Variants in NKAIN4 observed in about 807,000 individuals in gnomAD.
NKAIN4 encodes the protein sodium/potassium transporting ATPase interacting 4.
In NKAIN4, 28 loss-of-function variants were observed where a neutral mutation model predicts 28.8. That is an observed-to-expected ratio of 0.97 (90% confidence interval 0.72 to 1.33). The LOEUF is 1.33. NKAIN4 is among the 40% of genes most tolerant of loss of function. The pLI is 0.00. For synonymous variants in NKAIN4, 122 were observed against 115.6 expected (o/e 1.06, Z -0.36); for missense variants, 289 against 277.2 (o/e 1.04, Z -0.30).
intron 4 of NKAIN4, chr20:63,246,678 CTCGAGA>C (rs1436262411): frequency 7.2e-5 from 71 of 985,330 alleles, no homozygotes; most frequent in Non-Finnish European, 8.2e-5. Flanking sequence ...GCCAGGGAGC[CTCGAGA>C]TCGGTCAGAA....
At chr20:63,246,048 C>T (rs189193389) in intron 4 of NKAIN4, among the ~76,000 whole-genome samples, 2 of 152,266 alleles carry the variant, frequency 1.3e-5, no homozygotes, top group African/African-American at 4.8e-5. Context: ...CTGCTTCAGC[C>T]TCCCGAGGAG....
chr20:63,248,706 T>C (rs1361033830), intron 3 of NKAIN4, 109 bp downstream of exon 3: 3 of 730,720 alleles, frequency 4.1e-6, no homozygotes, highest in Non-Finnish European at 7.3e-6. Context: ...ATGCACAGAC[T>C]GAGCCCCTGC....
intron 4 of NKAIN4, chr20:63,244,338 T>C: frequency 1.8e-6 from 1 of 564,610 alleles, no homozygotes; most frequent in Non-Finnish European, 3.3e-6. Flanking sequence ...GTGAGGATAA[T>C]GGATATTGGG....
rs1469518789 is a variant in NKAIN4 at position 63,245,690 on chromosome 20, A to T, written c.472-1606T>A. Among the ~76,000 whole-genome samples, 1 of 152,052 alleles carries T rather than the reference A, an allele frequency of 6.6e-6. No homozygotes were observed. Among genetic ancestry groups the T allele is most frequent in the Non-Finnish European group, 1.5e-5 (1 of 68,006 alleles). ...AGCACAGCTGGGCAGAGGCCAACCA[A>T]GCCGCCAGCCTCTCCCAGACCCTCC... On this transcript the variant is annotated intron_variant, in intron 4 of 6. Coordinates refer to ENST00000370316, the MANE Select transcript of NKAIN4 (RefSeq NM_152864.4). The surrounding 1 kb of genome is among the most constrained non-coding windows in gnomAD (Gnocchi z 4.7).
At position 63,242,594 on chromosome 20, in the gene NKAIN4, G is replaced by T; in HGVS notation, c.562C>A (p.Pro188Thr). Residue 188 changes from proline (P) to threonine (T), a missense_variant, in exon 6 of 7, where the codon CCT (proline) becomes ACT (threonine). By Grantham distance (38) the Pro-to-Thr change is conservative (BLOSUM62 -1). Coordinates refer to ENST00000370316, the MANE Select transcript of NKAIN4 (RefSeq NM_152864.4). ...FDFIGGFDPF[P>T]LYHVNEKPSS... Reference sequence around the variant, plus strand: ...GGCTTTTCATTGACATGGTAGAGAGGAAATGGATCAAATCCACCAATGAAA... The same window carrying T: ...GGCTTTTCATTGACATGGTAGAGAGTAAATGGATCAAATCCACCAATGAAA... The T allele has an allele frequency of 6.2e-7, 1 of 1,613,260 alleles. No homozygotes were observed.
chr20:63,254,628 C>T (rs1232118511), upstream of NKAIN4: 4 of 442,206 alleles, frequency 9.0e-6, no homozygotes, highest in Non-Finnish European at 1.5e-5. Context: ...CGTCTCCCCT[C>T]CCACCCCCGC....
rs896199905 is a variant in NKAIN4 at position 63,252,635 on chromosome 20, C to T, written c.54+1762G>A. Among the ~76,000 whole-genome samples, 2 of 152,144 alleles carry T rather than the reference C, an allele frequency of 1.3e-5. No homozygotes were observed. The highest frequency in any genetic ancestry group is 6.5e-5 in the Admixed American group (1 of 15,282). On this transcript the variant is annotated intron_variant, in intron 1 of 6. Coordinates refer to ENST00000370316, the MANE Select transcript of NKAIN4 (RefSeq NM_152864.4). The surrounding 1 kb of genome is among the most constrained non-coding windows in gnomAD (Gnocchi z 4.6). Reference sequence around the variant, plus strand: ...AAAGGCCTTTGACAGCTCCCTGCTGCGGTTCAGCAGTGACCCAGAGGCTGG... The same window carrying T: ...AAAGGCCTTTGACAGCTCCCTGCTGTGGTTCAGCAGTGACCCAGAGGCTGG...
chr20:63,245,990 T>G lies in NKAIN4; in HGVS notation c.471+1588A>C, dbSNP rs150221074. ...TCACCCAGGCTGGAGTGCAGTGGCG[T>G]GATCTCTGCTCACTGCAAGCTCTGC... On this transcript the variant is annotated intron_variant, in intron 4 of 6. Transcript: ENST00000370316. The surrounding 1 kb of genome is among the most constrained non-coding windows in gnomAD (Gnocchi z 4.7). Among the ~76,000 whole-genome samples, 6,650 of 151,582 alleles carry G rather than the reference T, an allele frequency of 0.044. 197 individuals are homozygous for G. The highest frequency in any genetic ancestry group is 0.066 in the Non-Finnish European group (4,448 of 67,842).
rs542076457 is a variant in NKAIN4, at chr20:63,242,531, ATACT to A, written c.617+4_617+7del. On this transcript the variant is annotated splice_donor_5th_base_variant and intron_variant, in intron 6 of 6. Coordinates refer to ENST00000370316, the MANE Select transcript of NKAIN4 (RefSeq NM_152864.4). Reference sequence around the variant, plus strand: ...GGCCGCAGAGCAGGTTCTGCCAGCCATACTTACAAGTACACCTGCTTGGACAAGA... The same window carrying A: ...GGCCGCAGAGCAGGTTCTGCCAGCCATACAAGTACACCTGCTTGGACAAGA... 2.5e-6 allele frequency: 4 copies of A among 1,605,090 alleles called. No homozygotes were observed. In the South Asian group the frequency reaches 4.4e-5, roughly 18 times the overall value.
At chr20:63,241,747 G>A (rs2066755529) in intron 6 of NKAIN4, 2 of 677,718 alleles carry the variant, frequency 3.0e-6, no homozygotes, top group African/African-American at 3.6e-5. Context: ...GGTCTGGCCT[G>A]TGGGGCTGGG....
At chr20:63,251,981 T>C (rs972467730) in intron 1 of NKAIN4, among the ~76,000 whole-genome samples, 3 of 152,118 alleles carry the variant, frequency 2.0e-5, no homozygotes, top group African/African-American at 7.2e-5. Context: ...AGGGGAGCAG[T>C]TCTTGCCCTG....
chr20:63,249,033 G>A (rs934453948), intron 2 of NKAIN4, 138 bp from the exon 3 acceptor site: 2 of 654,520 alleles, frequency 3.1e-6, no homozygotes, highest in Admixed American at 2.2e-5. Flanking sequence ...GCCCCCAGAT[G>A]CACAGCATGG....
rs1163579982 is a variant in NKAIN4, at chr20:63,252,655, G to A, written c.54+1742C>T. On this transcript the variant is annotated intron_variant, in intron 1 of 6. Coordinates refer to ENST00000370316, the MANE Select transcript of NKAIN4 (RefSeq NM_152864.4). The surrounding 1 kb of genome is among the most constrained non-coding windows in gnomAD (Gnocchi z 4.6). ...TGCTGCGGTTCAGCAGTGACCCAGA[G>A]GCTGGCCCTGAGAGGACACGGCTCT... Among the ~76,000 whole-genome samples the A allele has an allele frequency of 6.6e-6, 1 of 152,118 alleles. No individual in the cohort carries two copies. The highest frequency in any genetic ancestry group is 1.5e-5 in the Non-Finnish European group (1 of 68,030).
At chr20:63,241,859 T>C (rs2123044005) in intron 6 of NKAIN4, 1 of 420,506 alleles carries the variant, frequency 2.4e-6, no homozygotes, top group South Asian at 2.0e-5. Flanking sequence ...TTCTCTGACA[T>C]GGGAGCTGGG....
rs1029835981 is a variant in NKAIN4, at chr20:63,249,247, G to A, written c.193-352C>T. ...CACGTGGACAGCACAGGCCTCCACT[G>A]CAGAGCACCCCAGAAGCCACCCCCA... On this transcript the variant is annotated intron_variant, in intron 2 of 6. Transcript: ENST00000370316. The A allele has an allele frequency of 4.0e-5, 12 of 298,970 alleles. 1 individual carries two copies. The highest frequency in any genetic ancestry group is 3.5e-4 in the South Asian group (10 of 28,600). 18.5% of individuals were successfully genotyped at this position (298,970 alleles called of 1,614,324 possible).
At chr20:63,246,968 C>A (rs915239297) in intron 4 of NKAIN4, 13 of 990,546 alleles carry the variant, frequency 1.3e-5, no homozygotes, top group Non-Finnish European at 1.4e-5. Context: ...TCTACCAACC[C>A]GTGCAGGGCC....
intron 4 of NKAIN4, 86 bp from the exon 5 acceptor site, chr20:63,244,170 G>A: frequency 8.1e-7 from 1 of 1,240,850 alleles, no homozygotes; most frequent in Non-Finnish European, 1.2e-6. Context: ...AAGCACTGGA[G>A]CGCCCCTGAC....
chr20:63,241,424 G>A lies in NKAIN4; in HGVS notation c.*73C>T. On this transcript the variant is annotated 3_prime_UTR_variant, in exon 7 of 7. Coordinates refer to ENST00000370316, the MANE Select transcript of NKAIN4 (RefSeq NM_152864.4). ...GGGTGGGGGCGCGTCCCAAGGCCTG[G>A]GAGCTCCTGTCATTGTCACTGGTCG... 6.5e-7 allele frequency: 1 copy of A among 1,526,724 alleles called. No homozygotes were observed. 94.6% of individuals were successfully genotyped at this position (1,526,724 alleles called of 1,614,324 possible).
At position 63,254,417 on chromosome 20, in the gene NKAIN4, C is replaced by G; in HGVS notation, c.34G>C (p.Val12Leu). 1.4e-6 allele frequency: 2 copies of G among 1,444,824 alleles called. No individual in the cohort carries two copies. The highest frequency in any genetic ancestry group is 2.7e-5 in the South Asian group (2 of 74,008). The allele number at this position is 1,444,824 out of a possible 1,614,324, so 89.5% of individuals were successfully genotyped here. A position where few individuals can be genotyped will look rare whatever the true frequency, so the allele number is the denominator to read the frequency against. The change falls in exon 1 of 7, where the codon GTC becomes CTC. Residue 12 changes from valine to leucine, a missense_variant. Val to Leu is a conservative substitution (Grantham distance 32). Coordinates refer to ENST00000370316, the MANE Select transcript of NKAIN4 (RefSeq NM_152864.4). ...GSCSGRCALV[V>L]LCAFQLVAAL... ...CTCACCAGCTGAAAAGCGCAGAGGA[C>G]GACGAGCGCGCAGCGGCCGGAGCAG...
Sources: gnomAD v4.1 joint callset for allele counts (sites outside exome capture counted in the v4.1 genomes callset) on GRCh38, gnomAD v4.1.1 for gene constraint, Gnocchi (gnomAD v3.1) non-coding constraint, MANE v1.5 for transcripts, NCBI Gene and HGNC (gene_info 2026-07-23, HGNC 2026-07-21) for gene names.